Variants in ADGRB3 observed in about 807,000 individuals in gnomAD.
ADGRB3 encodes adhesion G protein-coupled receptor B3.
In ADGRB3, 37 loss-of-function variants were observed where a neutral mutation model predicts 193.4. That is an observed-to-expected ratio of 0.19 (90% CI 0.15 to 0.25). The LOEUF (loss-of-function observed/expected upper bound fraction) is 0.25, where lower values mean the gene tolerates loss of function less well. ADGRB3 is among the 10% of genes least tolerant of loss of function. The pLI, the probability that ADGRB3 is intolerant of heterozygous loss-of-function variation, is 1.00. For missense variants in ADGRB3, 1,637 were observed against 1,852.9 expected (o/e 0.88, Z 2.14); for synonymous variants, 690 against 644.2 (o/e 1.07, Z -1.08).
chr6:68,972,152 A>T (rs2150264126), intron 8 of ADGRB3, among the ~76,000 whole-genome samples: 1 of 152,290 alleles, frequency 6.6e-6, no homozygotes, highest in East Asian at 1.9e-4. Context: ...TATTCCCAAG[A>T]TATTGAAGGA....
intron 3 of ADGRB3, among the ~76,000 whole-genome samples, chr6:68,669,165 G>C (rs373705037): frequency 1.1e-4 from 16 of 151,866 alleles, no homozygotes; most frequent in Non-Finnish European, 1.8e-4. Flanking sequence ...TGTGAAATAA[G>C]GACGTCATGG....
intron 17 of ADGRB3, chr6:69,232,520 G>T: frequency 6.5e-7 from 1 of 1,535,622 alleles, no homozygotes; most frequent in Non-Finnish European, 8.7e-7. Flanking sequence ...TAGCGGACTT[G>T]GGGTTAGCTT....
chr6:69,332,841 A>C (rs1768758142), intron 23 of ADGRB3, 82 bp from the exon 24 acceptor site: 1 of 1,563,416 alleles, frequency 6.4e-7, no homozygotes. Flanking sequence ...TTATGAATTG[A>C]TAAAAATAGG....
chr6:69,080,771 T>C (rs1332672392), intron 17 of ADGRB3, among the ~76,000 whole-genome samples: 5 of 152,038 alleles, frequency 3.3e-5, no homozygotes, highest in Admixed American at 6.6e-5. Context: ...AATTGAAAAC[T>C]ATTTAACTTC....
At chr6:68,799,201 A>G (rs1363822153) in intron 3 of ADGRB3, among the ~76,000 whole-genome samples, 2 of 152,236 alleles carry the variant, frequency 1.3e-5, no homozygotes, top group African/African-American at 4.8e-5. Context: ...AGATCTGCAT[A>G]CACTCACAAG....
intron 26 of ADGRB3, among the ~76,000 whole-genome samples, chr6:69,351,882 A>C (rs2127326172): frequency 6.6e-6 from 1 of 152,334 alleles, no homozygotes; most frequent in Admixed American, 6.5e-5. Context: ...GGACCATTCA[A>C]ATTAATCTTT....
At chr6:68,930,842 G>T (rs1476666144) in intron 4 of ADGRB3, among the ~76,000 whole-genome samples, 173 bp downstream of exon 4, 2 of 151,970 alleles carry the variant, frequency 1.3e-5, no homozygotes, top group East Asian at 3.9e-4. Context: ...ATTGAAAAGT[G>T]CACAAAAATT....
intron 17 of ADGRB3, among the ~76,000 whole-genome samples, chr6:69,133,825 C>A (rs1774078617): frequency 6.6e-6 from 1 of 151,878 alleles, no homozygotes; most frequent in Non-Finnish European, 1.5e-5. Flanking sequence ...GGTCTTTTAT[C>A]CCTCACCTCC....
chr6:69,016,173 A>G lies in ADGRB3; in HGVS notation c.1998+2067A>G, dbSNP rs529981665. ...GACTTCATGTCCTGCAAAGCCTAAA[A>G]TGTTTACTATATGCAAACAGAAAAA... On this transcript the variant is annotated intron_variant, in intron 12 of 31. Coordinates refer to ENST00000370598, the MANE Select transcript of ADGRB3 (RefSeq NM_001704.3). 1.1e-4 allele frequency among the ~76,000 whole-genome samples: 16 copies of G among 152,128 alleles called. No individual in the cohort carries two copies. The South Asian group carries it at 3.3e-3, about 32-fold the overall frequency.
At chr6:69,344,060 G>A (rs140502098) in intron 26 of ADGRB3, among the ~76,000 whole-genome samples, 3 of 152,144 alleles carry the variant, frequency 2.0e-5, no homozygotes, top group African/African-American at 7.2e-5. Context: ...GTCTCTGGCT[G>A]TGCCTGGCTC....
chr6:69,058,245 C>A (rs1273499340), intron 15 of ADGRB3, among the ~76,000 whole-genome samples: 1 of 151,652 alleles, frequency 6.6e-6, no homozygotes, highest in Non-Finnish European at 1.5e-5. Context: ...TCATAGCTGT[C>A]TCTTATGATA....
At chr6:68,803,843 G>T in intron 3 of ADGRB3, among the ~76,000 whole-genome samples, 1 of 152,102 alleles carries the variant, frequency 6.6e-6, no homozygotes, top group East Asian at 1.9e-4. Flanking sequence ...TACGGAAATG[G>T]TTCTGAAGTC....
intron 29 of ADGRB3, among the ~76,000 whole-genome samples, chr6:69,364,109 C>G (rs1769517733): frequency 2.0e-5 from 3 of 151,944 alleles, no homozygotes; most frequent in Admixed American, 6.6e-5. Flanking sequence ...GGGCAGCTGG[C>G]ACAGCAGAGG....
At chr6:69,285,440 G>A (rs1299209068) in intron 20 of ADGRB3, among the ~76,000 whole-genome samples, 1 of 152,038 alleles carries the variant, frequency 6.6e-6, no homozygotes. Context: ...CAGCACTTTG[G>A]GAGGCTGAGA....
chr6:69,246,234 G>A (rs1393979581), intron 20 of ADGRB3, among the ~76,000 whole-genome samples: 1 of 152,116 alleles, frequency 6.6e-6, no homozygotes, highest in Non-Finnish European at 1.5e-5. Context: ...TGCCAATAGT[G>A]TCCCAAGTGT....
At chr6:68,910,776 G>T (rs949099238) in intron 3 of ADGRB3, among the ~76,000 whole-genome samples, 26 of 152,000 alleles carry the variant, frequency 1.7e-4, no homozygotes, top group Admixed American at 1.7e-3. Flanking sequence ...TCTCTGTTTT[G>T]GTACCAGTAC....
intron 17 of ADGRB3, among the ~76,000 whole-genome samples, chr6:69,113,826 T>C (rs1437031493): frequency 6.6e-6 from 1 of 152,220 alleles, no homozygotes; most frequent in Non-Finnish European, 1.5e-5. Flanking sequence ...GATAATTGAA[T>C]GACTATTACT....
intron 17 of ADGRB3, among the ~76,000 whole-genome samples, chr6:69,197,415 CT>C (rs3839472): frequency 1.9e-4 from 28 of 149,612 alleles, no homozygotes; most frequent in African/African-American, 5.4e-4. Context: ...TTACTAAAGA[CT>C]TTTTTTTTTA....
chr6:68,772,512 T>G (rs1211931117), intron 3 of ADGRB3, among the ~76,000 whole-genome samples: 1 of 151,990 alleles, frequency 6.6e-6, no homozygotes, highest in African/African-American at 2.4e-5. Flanking sequence ...TAAAAAAGCA[T>G]CTGAGACTTA....
Sources: gnomAD v4.1 joint callset for allele counts (sites outside exome capture counted in the v4.1 genomes callset) on GRCh38, gnomAD v4.1.1 for gene constraint, MANE v1.5 for transcripts, NCBI Gene and HGNC (gene_info 2026-07-23, HGNC 2026-07-21) for gene names.